GRM3: variants seen among roughly 807,000 people sequenced by gnomAD.
The protein encoded by GRM3 is metabotropic glutamate receptor 3.
A neutral mutation model predicts 70.5 loss-of-function variants in GRM3; 26 were observed. The observed-to-expected ratio is 0.37, with a 90% CI of 0.27 to 0.51. The LOEUF is 0.51. GRM3 is among the 20% of genes least tolerant of loss of function. The pLI is 0.93. For missense variants in GRM3, 859 were observed against 1,123.8 expected (o/e 0.76, Z 3.37); for synonymous variants, 443 against 434.9 (o/e 1.02, Z -0.23).
At chr7:86,751,142 T>C (rs1344897787) in intron 1 of GRM3, among the ~76,000 whole-genome samples, 1 of 152,088 alleles carries the variant, frequency 6.6e-6, no homozygotes, top group African/African-American at 2.4e-5. Context: ...CATTCAAAGG[T>C]TAACTGCATC....
chr7:86,776,671 A>C (rs551764277), intron 2 of GRM3, among the ~76,000 whole-genome samples: 28 of 152,292 alleles, frequency 1.8e-4, no homozygotes, highest in South Asian at 1.7e-3. Flanking sequence ...TATACAAGTG[A>C]CTTCAGGGAC....
intron 5 of GRM3, among the ~76,000 whole-genome samples, chr7:86,860,669 A>G (rs1247746522): frequency 6.6e-6 from 1 of 152,214 alleles, no homozygotes; most frequent in African/African-American, 2.4e-5. Context: ...GGTAGATGAA[A>G]CAAAGTTGTT....
intron 1 of GRM3, among the ~76,000 whole-genome samples, chr7:86,722,964 T>G (rs1488741552): frequency 1.3e-5 from 2 of 152,078 alleles, no homozygotes; most frequent in African/African-American, 4.8e-5. Context: ...TTCCACCTTT[T>G]CACTCATTTC....
At chr7:86,753,358 G>A (rs973307144) in intron 1 of GRM3, among the ~76,000 whole-genome samples, 2 of 152,076 alleles carry the variant, frequency 1.3e-5, no homozygotes, top group African/African-American at 4.8e-5. Context: ...CCAAAGAGGT[G>A]GCCATGTGCT....
intron 3 of GRM3, among the ~76,000 whole-genome samples, chr7:86,788,782 C>T (rs1277944390): frequency 1.3e-5 from 2 of 152,158 alleles, no homozygotes; most frequent in Non-Finnish European, 2.9e-5. Context: ...CACATACTCC[C>T]CATCAGACTA....
chr7:86,760,523 T>C (rs776601749), intron 1 of GRM3, among the ~76,000 whole-genome samples: 6 of 152,132 alleles, frequency 3.9e-5, no homozygotes, highest in Non-Finnish European at 8.8e-5. Flanking sequence ...AGGAATGTGC[T>C]GCTGGCTGAT....
Position 86,644,848 on chromosome 7 carries a change from T to G in GRM3, c.-165T>G. 1 of 1,289,442 alleles carries G rather than the reference T, an allele frequency of 7.8e-7. No individual in the cohort carries two copies. Among genetic ancestry groups the G allele is most frequent in the Non-Finnish European group, 1.0e-6 (1 of 988,610 alleles). The allele number at this position is 1,289,442 out of a possible 1,614,324, so 79.9% of individuals were successfully genotyped here. On this transcript the variant is annotated 5_prime_UTR_variant, in exon 1 of 6. Coordinates refer to ENST00000361669, the MANE Select transcript of GRM3 (RefSeq NM_000840.3). Reference sequence around the variant, plus strand: ...CGCTGCCACCGCGGTCAGCTCCAGTTCCTGCCAGGAGTTGTCGGTGCGAGG... The same window carrying G: ...CGCTGCCACCGCGGTCAGCTCCAGTGCCTGCCAGGAGTTGTCGGTGCGAGG...
intron 1 of GRM3, among the ~76,000 whole-genome samples, chr7:86,664,130 G>A (rs1253368810): frequency 6.6e-6 from 1 of 151,904 alleles, no homozygotes; most frequent in African/African-American, 2.4e-5. Flanking sequence ...GTAGAAATAA[G>A]AGCATCCATA....
chr7:86,863,132 G>C (rs1421068371), intron 5 of GRM3, among the ~76,000 whole-genome samples: 42 of 152,060 alleles, frequency 2.8e-4, no homozygotes, highest in Non-Finnish European at 4.4e-5. Context: ...TCGGCTACAT[G>C]GTTTCAGTCC....
chr7:86,777,493 T>C (rs1002310666), intron 2 of GRM3, among the ~76,000 whole-genome samples: 1 of 152,148 alleles, frequency 6.6e-6, no homozygotes, highest in Admixed American at 6.5e-5. Flanking sequence ...TTGACTCAAG[T>C]GTTTTTGGGG....
Position 86,669,270 on chromosome 7 carries a change from G to T in GRM3, c.-141+24398G>T, listed in dbSNP as rs79303220. On this transcript the variant is annotated intron_variant, in intron 1 of 5. Transcript: ENST00000361669. The stretch of plus-strand genomic sequence containing the variant: ...CACTAGGGCTGGGGCCCAGTCATCA[G>T]TATTTTTCAAATCTTCTCACATGAT... Among the ~76,000 whole-genome samples the T allele has an allele frequency of 1.6e-3, 240 of 152,264 alleles. 6 individuals carry two copies. The East Asian group carries it at 0.031, about 20-fold the overall frequency.
intron 1 of GRM3, among the ~76,000 whole-genome samples, chr7:86,733,433 T>G (rs1456863762): frequency 6.6e-6 from 1 of 152,090 alleles, no homozygotes; most frequent in African/African-American, 2.4e-5. Flanking sequence ...GCTCTTGTCA[T>G]TCTTCCTTCC....
At chr7:86,864,149 T>C (rs1247234099) in intron 5 of GRM3, 133 bp from the exon 6 acceptor site, 3 of 650,226 alleles carry the variant, frequency 4.6e-6, no homozygotes, top group African/African-American at 3.6e-5. Context: ...TGAACTCCAA[T>C]TTGTAGTCTT....
intron 1 of GRM3, among the ~76,000 whole-genome samples, chr7:86,742,233 T>C (rs1324855188): frequency 6.6e-6 from 1 of 152,132 alleles, no homozygotes; most frequent in Non-Finnish European, 1.5e-5. Context: ...TGAACATCTT[T>C]AGAAAGAAGC....
At chr7:86,717,300 C>T (rs1795340458) in intron 1 of GRM3, among the ~76,000 whole-genome samples, 1 of 151,962 alleles carries the variant, frequency 6.6e-6, no homozygotes, top group Non-Finnish European at 1.5e-5. Context: ...CATGTCCTCA[C>T]AGTGAGATAT....
chr7:86,692,303 G>GACTAT (rs1267689263), intron 1 of GRM3, among the ~76,000 whole-genome samples: 1 of 152,076 alleles, frequency 6.6e-6, no homozygotes, highest in East Asian at 1.9e-4. Flanking sequence ...TTCTATCATA[G>GACTAT]ACTATAGAGT....
intron 1 of GRM3, among the ~76,000 whole-genome samples, chr7:86,651,362 G>C (rs570962005): frequency 4.8e-4 from 73 of 152,268 alleles, no homozygotes; most frequent in South Asian, 1.2e-3. Flanking sequence ...GTTAATAATA[G>C]ATAGCAGATA....
At chr7:86,677,457 G>A (rs186213047) in intron 1 of GRM3, among the ~76,000 whole-genome samples, 121 of 152,042 alleles carry the variant, frequency 8.0e-4, no homozygotes, top group Middle Eastern at 3.4e-3. Flanking sequence ...TCTTTGACCT[G>A]TTGGCTTTCT....
intron 1 of GRM3, among the ~76,000 whole-genome samples, chr7:86,688,545 G>A (rs897401860): frequency 6.6e-6 from 1 of 151,284 alleles, no homozygotes; most frequent in Non-Finnish European, 1.5e-5. Context: ...ACAATCATAG[G>A]CTATGACCAA....
Sources: gnomAD v4.1 joint callset for allele counts (sites outside exome capture counted in the v4.1 genomes callset) on GRCh38, gnomAD v4.1.1 for gene constraint, MANE v1.5 for transcripts, NCBI Gene and HGNC (gene_info 2026-07-23, HGNC 2026-07-21) for gene names.